The following STX7 variants were observed in gnomAD, a reference collection of about 807,000 sequenced individuals.
The protein encoded by STX7 is syntaxin 7.
In STX7, 34 loss-of-function variants were observed where a neutral mutation model predicts 39.6. The observed-to-expected ratio is 0.86, with a 90% CI of 0.65 to 1.14. The LOEUF (loss-of-function observed/expected upper bound fraction) is 1.14. Ranked by LOEUF, STX7 falls within the 50% of genes most tolerant of loss-of-function variation. The probability of loss-of-function intolerance (pLI) is 0.00; values close to 1 mark genes in which losing one functional copy is unlikely to be tolerated. For missense variants in STX7, 284 were observed against 310.4 expected, an observed-to-expected ratio of 0.92 and a Z score of 0.64; for synonymous variants, 119 against 99.1, an observed-to-expected ratio of 1.20 and a Z score of -1.19.
rs1181155889 is a variant in STX7 at position 132,448,751 on chromosome 6, T to A, written c.*12007A>T. ...TACTCGGGAGGCTGAGGCAGGAGAATCAATTGAACCCGGGAAATGGAGGTT... is the reference window on the plus strand; with the variant it reads ...TACTCGGGAGGCTGAGGCAGGAGAAACAATTGAACCCGGGAAATGGAGGTT... On this transcript the variant is annotated 3_prime_UTR_variant, in exon 10 of 10. Coordinates refer to ENST00000367941, the MANE Select transcript of STX7 (RefSeq NM_003569.3). The A allele has an allele frequency of 7.2e-6, 1 of 139,730 alleles. No homozygotes were observed. The highest frequency in any genetic ancestry group is 8.0e-5 in the Admixed American group (1 of 12,424). 8.7% of individuals were successfully genotyped at this position (139,730 alleles called of 1,614,324 possible). A position where few individuals can be genotyped will look rare whatever the true frequency, so the allele number is the denominator to read the frequency against.
intron 2 of STX7, among the ~76,000 whole-genome samples, chr6:132,488,721 TG>T (rs1397356571): frequency 6.6e-6 from 1 of 152,138 alleles, no homozygotes; most frequent in Non-Finnish European, 1.5e-5. Flanking sequence ...AGCCCGTAAT[TG>T]GGAGGGAGGA....
At chr6:132,493,177 TATA>T (rs1242962993) in intron 2 of STX7, among the ~76,000 whole-genome samples, 2 of 152,178 alleles carry the variant, frequency 1.3e-5, no homozygotes, top group East Asian at 3.8e-4. Context: ...ATAATGATAC[TATA>T]ATGAGAAAGA....
rs1439968669 is a variant in STX7, at chr6:132,450,147, ATCTT to A, written c.*10607_*10610del. On this transcript the variant is annotated 3_prime_UTR_variant, in exon 10 of 10. Transcript: ENST00000367941. ...TCATTGGTAATAGCCTTTAGTGATTATCTTTCTTTCTAATGAGCCAGGAAATGAA... is the reference window on the plus strand; with the variant it reads ...TCATTGGTAATAGCCTTTAGTGATTATCTTTCTAATGAGCCAGGAAATGAA... The A allele has an allele frequency of 2.0e-5, 3 of 152,258 alleles. No homozygotes were observed. The highest frequency in any genetic ancestry group is 4.8e-5 in the African/African-American group (2 of 41,548). The allele number at this position is 152,258 out of a possible 1,614,324, so 9.4% of individuals were successfully genotyped here. A position where few individuals can be genotyped will look rare whatever the true frequency, so the allele number is the denominator to read the frequency against.
chr6:132,492,567 G>A (rs1169009322), intron 2 of STX7, among the ~76,000 whole-genome samples: 3 of 152,084 alleles, frequency 2.0e-5, no homozygotes, highest in Non-Finnish European at 4.4e-5. Context: ...AAATGCACAA[G>A]TAACACCCTG....
chr6:132,464,330 C>T (rs1049051425), intron 8 of STX7, among the ~76,000 whole-genome samples: 6 of 152,170 alleles, frequency 3.9e-5, no homozygotes, highest in African/African-American at 1.4e-4. Flanking sequence ...CAGAGCAACT[C>T]CAGCTCTACC....
chr6:132,486,470 GTTTTCT>G lies in STX7; in HGVS notation c.86-10814_86-10809del, dbSNP rs368429746. Among the ~76,000 whole-genome samples the G allele has an allele frequency of 1.6e-3, 247 of 152,078 alleles. 3 individuals carry two copies. Among genetic ancestry groups the G allele is most frequent in the African/African-American group, 5.6e-3 (232 of 41,490 alleles). Reference sequence around the variant, plus strand: ...TGCATCTATTGAGATGATTATATAGGTTTTCTTTTTAAGTTTGTTAACATAATGAAC... The same window carrying G: ...TGCATCTATTGAGATGATTATATAGGTTTTAAGTTTGTTAACATAATGAAC... On this transcript the variant is annotated intron_variant, in intron 2 of 9. Coordinates refer to ENST00000367941, the MANE Select transcript of STX7 (RefSeq NM_003569.3).
intron 2 of STX7, among the ~76,000 whole-genome samples, chr6:132,482,297 G>GT (rs1775032575): frequency 6.6e-6 from 1 of 152,112 alleles, no homozygotes; most frequent in Non-Finnish European, 1.5e-5. Context: ...CATTAATTTG[G>GT]TTGCATTCCT....
intron 2 of STX7, among the ~76,000 whole-genome samples, chr6:132,489,138 T>C (rs1293324063): frequency 2.7e-5 from 4 of 145,878 alleles, no homozygotes; most frequent in East Asian, 2.0e-4. Context: ...GAGGAAGAGG[T>C]TGCAGTGAGC....
At chr6:132,470,710 T>C (rs987216137) in intron 5 of STX7, 84 bp from the exon 6 acceptor site, 2 of 929,058 alleles carry the variant, frequency 2.2e-6, no homozygotes, top group Non-Finnish European at 3.5e-6. Context: ...TTTTCCCTTA[T>C]AATAAACTAA....
At chr6:132,468,117 A>G (rs1213397794) in intron 8 of STX7, among the ~76,000 whole-genome samples, 1 of 152,194 alleles carries the variant, frequency 6.6e-6, no homozygotes, top group East Asian at 1.9e-4. Flanking sequence ...AATAAGCTGG[A>G]ATAATGTTTC....
intron 2 of STX7, among the ~76,000 whole-genome samples, chr6:132,476,682 T>C (rs1280659676): frequency 6.6e-6 from 1 of 152,138 alleles, no homozygotes; most frequent in Admixed American, 6.5e-5. Context: ...CATTGTACTA[T>C]ATACTTATAT....
intron 1 of STX7, among the ~76,000 whole-genome samples, chr6:132,508,512 T>C (rs1775763090): frequency 6.6e-6 from 1 of 152,206 alleles, no homozygotes; most frequent in South Asian, 2.1e-4. Context: ...TGTTTTACTT[T>C]TTCTTTGTTT....
intron 9 of STX7, chr6:132,461,983 AC>A: frequency 6.5e-6 from 6 of 917,614 alleles, no homozygotes; most frequent in Non-Finnish European, 9.5e-6. Context: ...TGAATATTCC[AC>A]ATATTCATCT....
At chr6:132,469,775 G>GT (rs1283688497) in intron 7 of STX7, among the ~76,000 whole-genome samples, 176 bp downstream of exon 7, 1 of 152,136 alleles carries the variant, frequency 6.6e-6, no homozygotes, top group African/African-American at 2.4e-5. Context: ...GGAGGCGGAG[G>GT]TTGCAGTGAG....
rs1283391371 is a variant in STX7 at position 132,457,188 on chromosome 6, C to T, written c.*3570G>A. ...TGATGTCTAATTCCCTATGTTAAAA[C>T]ACTTTACACTTATAATCCATCAAGT... On this transcript the variant is annotated 3_prime_UTR_variant, in exon 10 of 10. Coordinates refer to ENST00000367941, the MANE Select transcript of STX7 (RefSeq NM_003569.3). 1 of 152,254 alleles carries T rather than the reference C, an allele frequency of 6.6e-6. No individual in the cohort carries two copies. The highest frequency in any genetic ancestry group is 1.5e-5 in the Non-Finnish European group (1 of 68,046). 9.4% of individuals were successfully genotyped at this position (152,254 alleles called of 1,614,324 possible).
chr6:132,456,886 G>A lies in STX7; in HGVS notation c.*3872C>T, dbSNP rs1774255915. 1 of 152,276 alleles carries A rather than the reference G, an allele frequency of 6.6e-6. No individual in the cohort carries two copies. 9.4% of individuals were successfully genotyped at this position (152,276 alleles called of 1,614,324 possible). A position where few individuals can be genotyped will look rare whatever the true frequency, so the allele number is the denominator to read the frequency against. ...GTTCTAAGTTGAGAGTTGACCATGA[G>A]AAAAGGAGAGACCATCTTTCCTCAG... On this transcript the variant is annotated 3_prime_UTR_variant, in exon 10 of 10. Coordinates refer to ENST00000367941, the MANE Select transcript of STX7 (RefSeq NM_003569.3).
At chr6:132,509,329 G>C (rs1010315781) in intron 1 of STX7, among the ~76,000 whole-genome samples, 1 of 152,012 alleles carries the variant, frequency 6.6e-6, no homozygotes, top group Non-Finnish European at 1.5e-5. Context: ...GCATGCGCCT[G>C]TAGTGCCAGC....
At chr6:132,468,302 A>C (rs1031320263) in intron 8 of STX7, 101 bp downstream of exon 8, 1 of 914,248 alleles carries the variant, frequency 1.1e-6, no homozygotes, top group Non-Finnish European at 1.8e-6. Flanking sequence ...AGGGAAACCA[A>C]AAAAGGGACA....
In STX7 at chr6:132,449,874, T is replaced by C. The variant is rs935084904; in HGVS notation, c.*10884A>G. 1 of 152,236 alleles carries C rather than the reference T, an allele frequency of 6.6e-6. No homozygotes were observed. The highest frequency in any genetic ancestry group is 1.5e-5 in the Non-Finnish European group (1 of 68,038). 9.4% of individuals were successfully genotyped at this position (152,236 alleles called of 1,614,324 possible). A position where few individuals can be genotyped will look rare whatever the true frequency, so the allele number is the denominator to read the frequency against. On this transcript the variant is annotated 3_prime_UTR_variant, in exon 10 of 10. Coordinates refer to ENST00000367941, the MANE Select transcript of STX7 (RefSeq NM_003569.3). ...CTACTGTTTCTCAATGCAAATGGTG[T>C]GTTTCCTTGCATGTTTGATTAATCT...
Sources: gnomAD v4.1 joint callset for allele counts (sites outside exome capture counted in the v4.1 genomes callset) on GRCh38, gnomAD v4.1.1 for gene constraint, MANE v1.5 for transcripts, NCBI Gene and HGNC (gene_info 2026-07-23, HGNC 2026-07-21) for gene names.